GPM6A: variants seen among roughly 807,000 people sequenced by gnomAD.
The protein encoded by GPM6A is neuronal membrane glycoprotein M6-a.
Under a neutral mutation model 32.1 loss-of-function variants are expected in GPM6A, and 7 were observed. The observed-to-expected ratio is 0.22, with a 90% CI of 0.12 to 0.41. The LOEUF (loss-of-function observed/expected upper bound fraction) is 0.41. Ranked by LOEUF, GPM6A falls within the 10% of genes least tolerant of loss-of-function variation. The pLI is 1.00. For missense variants in GPM6A, 235 were observed against 347.2 expected, an observed-to-expected ratio of 0.68 and a Z score of 2.57; for synonymous variants, 130 against 123.4, an observed-to-expected ratio of 1.05 and a Z score of -0.35.
At chr4:175,885,950 T>A (rs548154872) in intron 1 of GPM6A, among the ~76,000 whole-genome samples, 2 of 152,066 alleles carry the variant, frequency 1.3e-5, no homozygotes, top group Non-Finnish European at 2.9e-5. Context: ...AGTTGAAAGA[T>A]CTGAGGAAAT....
In GPM6A at chr4:175,898,381, C is replaced by G. The variant is rs17668005; in HGVS notation, c.-22-86132G>C. On this transcript the variant is annotated intron_variant, in intron 1 of 7. Coordinates refer to the GPM6A transcript ENST00000280187. ...ACCTTGAACCTCTGTGAATTCCAAG[C>G]TGCTTCTTACTTACTATATTCACTG... Among the ~76,000 whole-genome samples, 1,013 of 152,260 alleles carry G rather than the reference C, an allele frequency of 6.7e-3. 2 individuals carry two copies. Among genetic ancestry groups the G allele is most frequent in the Non-Finnish European group, 0.012 (817 of 68,004 alleles).
At chr4:175,701,828 T>C in intron 1 of GPM6A, 61 bp from the exon 2 acceptor site, 3 of 1,255,052 alleles carry the variant, frequency 2.4e-6, no homozygotes, top group East Asian at 2.4e-5. Flanking sequence ...ATTTTTTTTT[T>C]CAAACTTCAG....
chr4:175,691,156 A>C (rs1176795001), intron 2 of GPM6A, among the ~76,000 whole-genome samples: 1 of 152,232 alleles, frequency 6.6e-6, no homozygotes, highest in Non-Finnish European at 1.5e-5. Flanking sequence ...TATCTACGTG[A>C]GGATGAATTT....
At chr4:175,657,603 A>G (rs1437585369) in intron 3 of GPM6A, among the ~76,000 whole-genome samples, 1 of 152,208 alleles carries the variant, frequency 6.6e-6, no homozygotes, top group Non-Finnish European at 1.5e-5. Flanking sequence ...ACTAATGTCA[A>G]TAAAATAGCC....
chr4:175,760,035 C>A (rs750779387), intron 1 of GPM6A, among the ~76,000 whole-genome samples: 5 of 151,878 alleles, frequency 3.3e-5, no homozygotes, highest in Non-Finnish European at 7.4e-5. Context: ...CAAAAATTAG[C>A]CGGGTGTGAT....
intron 1 of GPM6A, among the ~76,000 whole-genome samples, chr4:175,924,053 G>A (rs2333326): frequency 0.14 from 21,256 of 152,054 alleles, 1,617 homozygotes; most frequent in African/African-American, 0.17. Flanking sequence ...ATTAATAGTT[G>A]CACTCAAATA....
At chr4:175,925,461 C>A (rs1162805079) in intron 1 of GPM6A, among the ~76,000 whole-genome samples, 2 of 152,108 alleles carry the variant, frequency 1.3e-5, no homozygotes, top group East Asian at 3.8e-4. Flanking sequence ...AAATTTAATT[C>A]TTAAAATGAT....
At chr4:175,925,830 T>TC (rs1018330740) in intron 1 of GPM6A, among the ~76,000 whole-genome samples, 5 of 150,714 alleles carry the variant, frequency 3.3e-5, no homozygotes, top group Non-Finnish European at 7.4e-5. Flanking sequence ...ACCCAGATTC[T>TC]CTTTTTTTTC....
intron 2 of GPM6A, among the ~76,000 whole-genome samples, chr4:175,680,291 T>C (rs1310549581): frequency 2.0e-5 from 3 of 152,220 alleles, no homozygotes; most frequent in Non-Finnish European, 2.9e-5. Flanking sequence ...TTGATATTTG[T>C]ACGTCTTTCT....
intron 2 of GPM6A, 131 bp downstream of exon 2, chr4:175,701,444 A>G (rs1744874964): frequency 1.5e-6 from 1 of 670,978 alleles, no homozygotes; most frequent in African/African-American, 1.8e-5. Context: ...TACCCTTTTG[A>G]ATCAGGTATA....
chr4:175,828,444 A>C (rs757054686), intron 1 of GPM6A, among the ~76,000 whole-genome samples: 1 of 152,224 alleles, frequency 6.6e-6, no homozygotes, highest in Non-Finnish European at 1.5e-5. Flanking sequence ...ATAGAAAAAA[A>C]CTAAGAAGAT....
chr4:175,708,489 G>T (rs983589833), intron 1 of GPM6A, among the ~76,000 whole-genome samples: 34 of 151,980 alleles, frequency 2.2e-4, no homozygotes, highest in African/African-American at 7.2e-4. Flanking sequence ...GGGTTCAAGC[G>T]ATTCTCCTGC....
chr4:175,866,928 G>T (rs1232772136), intron 1 of GPM6A, among the ~76,000 whole-genome samples: 1 of 152,116 alleles, frequency 6.6e-6, no homozygotes, highest in Non-Finnish European at 1.5e-5. Flanking sequence ...TCTGCATTTG[G>T]TGTTGTCAGT....
At chr4:175,691,089 T>C (rs1006922180) in intron 2 of GPM6A, among the ~76,000 whole-genome samples, 3 of 152,218 alleles carry the variant, frequency 2.0e-5, no homozygotes, top group Non-Finnish European at 2.9e-5. Flanking sequence ...ATGCAATATA[T>C]AAAGTTAATA....
chr4:175,812,334 T>TTTTTTTTTTTTTTTTTTTTTTTTTG, upstream of GPM6A: 1 of 1,357,482 alleles, frequency 7.4e-7, no homozygotes, highest in Middle Eastern at 2.8e-4. Flanking sequence ...TTTTTTTTTT[T>TTTTTTTTTTTTTTTTTTTTTTTTTG]TTTTTTCCTG....
intron 2 of GPM6A, among the ~76,000 whole-genome samples, chr4:175,676,580 C>G (rs921889312): frequency 4.6e-5 from 7 of 152,092 alleles, no homozygotes; most frequent in Admixed American, 4.6e-4. Context: ...CACCCCATCT[C>G]TACAAAAATT....
At chr4:175,982,880 A>G (rs1740858852) in intron 1 of GPM6A, among the ~76,000 whole-genome samples, 1 of 152,070 alleles carries the variant, frequency 6.6e-6, no homozygotes, top group Admixed American at 6.6e-5. Context: ...GTATCTTTCT[A>G]TTTAGGTCTT....
intron 1 of GPM6A, among the ~76,000 whole-genome samples, chr4:175,836,487 T>A (rs540549078): frequency 1.3e-5 from 2 of 152,168 alleles, no homozygotes; most frequent in African/African-American, 2.4e-5. Flanking sequence ...CATAGTGGTA[T>A]GTTCTGAAGA....
chr4:175,888,799 C>T (rs149579428), intron 1 of GPM6A, among the ~76,000 whole-genome samples: 3 of 151,984 alleles, frequency 2.0e-5, no homozygotes, highest in African/African-American at 7.2e-5. Context: ...TTACTGAATT[C>T]CCAAAAGGAT....
Sources: allele counts gnomAD v4.1 joint callset (sites outside exome capture counted in the v4.1 genomes callset), GRCh38; gene constraint gnomAD v4.1.1; transcripts MANE v1.5; gene names NCBI Gene and HGNC (gene_info 2026-07-23, HGNC 2026-07-21).